BMAL2: variants seen among roughly 807,000 people sequenced by gnomAD.
BMAL2 encodes the protein basic helix-loop-helix ARNT like 2.
chr12:27,348,713 A>T, the BMAL2 span, among the ~76,000 whole-genome samples: 1 of 152,238 alleles, frequency 6.6e-6, no homozygotes, highest in South Asian at 2.1e-4. Flanking sequence ...CTGAATAGTT[A>T]TAGAATTGAC....
chr12:27,395,808 A>G, the BMAL2 span, among the ~76,000 whole-genome samples: 2 of 152,354 alleles, frequency 1.3e-5, no homozygotes, highest in South Asian at 2.1e-4. Context: ...GAACAAATAC[A>G]TTTTTGAGTT....
At chr12:27,398,057 G>A in the BMAL2 span, among the ~76,000 whole-genome samples, 394 of 152,276 alleles carry the variant, frequency 2.6e-3, 3 homozygotes, top group African/African-American at 9.0e-3. Context: ...CAGGTTTCAG[G>A]TACTTTATTA....
chr12:27,369,374 A>G, the BMAL2 span, among the ~76,000 whole-genome samples: 2 of 152,194 alleles, frequency 1.3e-5, no homozygotes, highest in African/African-American at 4.8e-5. Flanking sequence ...TCTTCCCAAT[A>G]CACTTTATAA....
the BMAL2 span, among the ~76,000 whole-genome samples, chr12:27,369,617 T>A: frequency 2.0e-5 from 3 of 152,338 alleles, no homozygotes; most frequent in Non-Finnish European, 4.4e-5. Context: ...TGAAAGTGAC[T>A]GTTAGTTCTT....
chr12:27,378,652 A>G, the BMAL2 span, among the ~76,000 whole-genome samples: 1 of 152,198 alleles, frequency 6.6e-6, no homozygotes, highest in Non-Finnish European at 1.5e-5. Flanking sequence ...GAATCTGGCT[A>G]GTCCTCTTGG....
At chr12:27,388,472 A>G in the BMAL2 span, among the ~76,000 whole-genome samples, 1 of 152,076 alleles carries the variant, frequency 6.6e-6, no homozygotes, top group Non-Finnish European at 1.5e-5. Context: ...AGGGGTGGCC[A>G]CTGTGGGTCA....
the BMAL2 span, chr12:27,380,494 G>C: frequency 1.4e-6 from 2 of 1,404,858 alleles, no homozygotes; most frequent in Non-Finnish European, 2.0e-6. Flanking sequence ...GTCAGCTGTT[G>C]AGGTTCTATC....
the BMAL2 span, among the ~76,000 whole-genome samples, chr12:27,410,082 AAGTC>A: frequency 6.6e-6 from 1 of 151,854 alleles, no homozygotes; most frequent in Admixed American, 6.6e-5. Context: ...GATCATTAAA[AAGTC>A]AGGAAACAAC....
chr12:27,414,053 A>G, the BMAL2 span, among the ~76,000 whole-genome samples: 1 of 151,558 alleles, frequency 6.6e-6, no homozygotes. Flanking sequence ...AAAACATGCA[A>G]AAAAAAAACT....
chr12:27,388,494 C>T, the BMAL2 span, among the ~76,000 whole-genome samples: 1 of 152,068 alleles, frequency 6.6e-6, no homozygotes, highest in South Asian at 2.1e-4. Flanking sequence ...GAAGGCGTCA[C>T]ACATGAAGTA....
At chr12:27,334,617 A>T in the BMAL2 span, among the ~76,000 whole-genome samples, 1 of 152,258 alleles carries the variant, frequency 6.6e-6, no homozygotes. Context: ...AATTCCCCAG[A>T]TAAGTCTTAC....
At chr12:27,420,884 G>T in the BMAL2 span, 1 of 169,264 alleles carries the variant, frequency 5.9e-6, no homozygotes. Flanking sequence ...ATATATTGAT[G>T]TTTTCCTTTG....
At chr12:27,348,811 A>C in the BMAL2 span, among the ~76,000 whole-genome samples, 1 of 152,314 alleles carries the variant, frequency 6.6e-6, no homozygotes, top group East Asian at 1.9e-4. Context: ...AGGAATAAGA[A>C]CACATGGTTC....
the BMAL2 span, among the ~76,000 whole-genome samples, chr12:27,361,888 C>T: frequency 7.2e-5 from 11 of 152,110 alleles, no homozygotes; most frequent in African/African-American, 2.7e-4. Flanking sequence ...TAATAAAGAC[C>T]CTTAAAGCTT....
At chr12:27,356,561 G>A in the BMAL2 span, among the ~76,000 whole-genome samples, 1 of 152,132 alleles carries the variant, frequency 6.6e-6, no homozygotes, top group Admixed American at 6.5e-5. Flanking sequence ...AAAGTAAGAC[G>A]TGATACTTAG....
the BMAL2 span, among the ~76,000 whole-genome samples, chr12:27,357,991 C>T: frequency 6.6e-6 from 1 of 151,874 alleles, no homozygotes; most frequent in Non-Finnish European, 1.5e-5. Flanking sequence ...GCAAATGCAA[C>T]AAAAGCAAAG....
chr12:27,367,836 ATAT>A, the BMAL2 span, among the ~76,000 whole-genome samples: 1 of 151,618 alleles, frequency 6.6e-6, no homozygotes, highest in African/African-American at 2.4e-5. Context: ...GTGTGTATAT[ATAT>A]ATATATGTAT....
At chr12:27,401,779 C>T in the BMAL2 span, 2 of 743,636 alleles carry the variant, frequency 2.7e-6, no homozygotes, top group Non-Finnish European at 4.1e-6. Context: ...ATCCTCTGGC[C>T]TTTTATTGTA....
At chr12:27,379,087 T>G in the BMAL2 span, among the ~76,000 whole-genome samples, 1 of 152,318 alleles carries the variant, frequency 6.6e-6, no homozygotes, top group East Asian at 1.9e-4. Flanking sequence ...TGTGTTGGGC[T>G]GCATTCAAAG....
Sources: allele counts gnomAD v4.1 joint callset (sites outside exome capture counted in the v4.1 genomes callset), GRCh38; gene constraint gnomAD v4.1.1; transcripts MANE v1.5; gene names NCBI Gene and HGNC (gene_info 2026-07-23, HGNC 2026-07-21).